The following HECW1 variants were observed in gnomAD, a reference collection of about 807,000 sequenced individuals.
HECW1 encodes the protein E3 ubiquitin-protein ligase HECW1.
In HECW1, 61 loss-of-function variants were observed where a neutral mutation model predicts 182.3. The ratio of observed to expected loss-of-function variants is 0.33; its 90% CI spans 0.27 to 0.41. HECW1 has a LOEUF of 0.41. Ranked by LOEUF, HECW1 falls within the 10% of genes least tolerant of loss-of-function variation. The pLI, the probability that HECW1 is intolerant of heterozygous loss-of-function variation, is 1.00. For synonymous variants in HECW1, 859 were observed against 832.6 expected, an observed-to-expected ratio of 1.03 and a Z score of -0.55; for missense variants, 1,739 against 2,108.9, an observed-to-expected ratio of 0.82 and a Z score of 3.44.
rs941637822 is a variant in HECW1 at position 43,468,988 on chromosome 7, T to C, written c.2982T>C (p.Ala994=). The C allele has an allele frequency of 6.2e-7, 1 of 1,614,208 alleles. No homozygotes were observed. The highest frequency in any genetic ancestry group is 1.3e-5 in the African/African-American group (1 of 75,056). ...TGATTCTGAAAGTCCGACGGGATGC[T>C]CGCAATTTTGAACGCTACCAGCACA... The part of the protein sequence containing the change: ...KHMILKVRRD[A]RNFERYQHNR... Residue 994 remains alanine, a synonymous_variant, in exon 16 of 30, where the codon GCT becomes GCC. Coordinates refer to ENST00000395891, the MANE Select transcript of HECW1 (RefSeq NM_015052.5).
intron 25 of HECW1, 123 bp from the exon 26 acceptor site, chr7:43,541,746 A>C: frequency 1.1e-6 from 1 of 876,610 alleles, no homozygotes; most frequent in Non-Finnish European, 1.6e-6. Context: ...AGTGGATTCA[A>C]AAGTATCCAA....
At chr7:43,152,797 G>T (rs900306302) in intron 2 of HECW1, among the ~76,000 whole-genome samples, 4 of 152,132 alleles carry the variant, frequency 2.6e-5, no homozygotes, top group Non-Finnish European at 5.9e-5. Context: ...ATATCTGTAG[G>T]CGTTTCCCCC....
intron 6 of HECW1, among the ~76,000 whole-genome samples, chr7:43,368,423 C>G (rs1008307954): frequency 6.6e-6 from 1 of 152,162 alleles, no homozygotes; most frequent in Non-Finnish European, 1.5e-5. Flanking sequence ...ATAAATGTGT[C>G]TCCTGCAAAA....
chr7:43,218,768 G>A (rs1354088996), intron 2 of HECW1, among the ~76,000 whole-genome samples: 1 of 152,196 alleles, frequency 6.6e-6, no homozygotes, highest in Non-Finnish European at 1.5e-5. Context: ...ATTGGAAGGT[G>A]TATAGAGAAA....
chr7:43,348,782 G>A (rs1029526330), intron 5 of HECW1, among the ~76,000 whole-genome samples: 1 of 152,136 alleles, frequency 6.6e-6, no homozygotes. Flanking sequence ...GCTCATTCAG[G>A]AGCAGTTTAT....
chr7:43,133,957 CAG>C (rs946476980), intron 2 of HECW1, among the ~76,000 whole-genome samples: 5 of 152,218 alleles, frequency 3.3e-5, no homozygotes, highest in African/African-American at 7.2e-5. Flanking sequence ...TTCTTCTCAA[CAG>C]AGAGCTGTAC....
chr7:43,368,195 G>A (rs944436125), intron 6 of HECW1, among the ~76,000 whole-genome samples: 6 of 152,176 alleles, frequency 3.9e-5, no homozygotes, highest in Admixed American at 3.9e-4. Flanking sequence ...CGGGGAGACA[G>A]ACAAGAAAAC....
chr7:43,308,268 T>TTA (rs376041632), intron 3 of HECW1, among the ~76,000 whole-genome samples: 1 of 102,424 alleles, frequency 9.8e-6, no homozygotes, highest in Non-Finnish European at 2.0e-5. Context: ...TATGATATAT[T>TTA]TATATATTAT....
intron 17 of HECW1, among the ~76,000 whole-genome samples, 179 bp from the exon 18 acceptor site, chr7:43,491,896 G>A (rs533324501): frequency 2.0e-4 from 31 of 152,294 alleles, no homozygotes; most frequent in African/African-American, 6.7e-4. Context: ...CTTAACCATA[G>A]TATAGCACAT....
intron 2 of HECW1, among the ~76,000 whole-genome samples, chr7:43,150,722 A>G (rs977714418): frequency 6.6e-6 from 1 of 152,224 alleles, no homozygotes; most frequent in African/African-American, 2.4e-5. Context: ...CAAAGAAACC[A>G]GTCAGTGCTT....
At chr7:43,409,952 G>A (rs1481575438) in intron 8 of HECW1, among the ~76,000 whole-genome samples, 2 of 152,160 alleles carry the variant, frequency 1.3e-5, no homozygotes, top group African/African-American at 2.4e-5. Context: ...GGAAAGTCTG[G>A]CTGGCTCTGA....
intron 3 of HECW1, among the ~76,000 whole-genome samples, chr7:43,252,502 C>A (rs577543517): frequency 6.6e-6 from 1 of 152,252 alleles, no homozygotes; most frequent in Admixed American, 6.5e-5. Flanking sequence ...GTAATTCATG[C>A]AGACATTTAA....
At chr7:43,471,018 A>G (rs1331197785) in intron 16 of HECW1, among the ~76,000 whole-genome samples, 1 of 152,236 alleles carries the variant, frequency 6.6e-6, no homozygotes, top group Non-Finnish European at 1.5e-5. Flanking sequence ...TAGCAACAGT[A>G]ATGCCTATGT....
chr7:43,247,741 A>AGGAG lies in HECW1; in HGVS notation c.27+3819_27+3822dup, dbSNP rs373279844. Among the ~76,000 whole-genome samples the AGGAG allele has an allele frequency of 4.6e-3, 544 of 117,778 alleles. 21 individuals carry two copies. The highest frequency in any genetic ancestry group is 0.018 in the African/African-American group (515 of 29,048). 77.3% of individuals were successfully genotyped at this position (117,778 alleles called of 152,430 possible). ...GAAGAAGGAAGGAAGAAAGGAAGGA[A>AGGAG]GGAGGGAGGGAGGAAGGGAAAGAGA... On this transcript the variant is annotated intron_variant, in intron 3 of 29. Transcript: ENST00000395891.
intron 5 of HECW1, among the ~76,000 whole-genome samples, chr7:43,334,426 G>A (rs1167033528): frequency 3.3e-5 from 5 of 152,178 alleles, no homozygotes; most frequent in Admixed American, 2.6e-4. Context: ...TGTATCACAC[G>A]TTCCCAAAAT....
rs574530598 is a variant in HECW1 at position 43,236,628 on chromosome 7, G to A, written c.-31-7247G>A. ...CTTTTGAGTCCTTGATCAGCCTTTC[G>A]CTGAATACTCAATGTAGTCTGGCTC... On this transcript the variant is annotated intron_variant, in intron 2 of 29. Coordinates refer to ENST00000395891, the MANE Select transcript of HECW1 (RefSeq NM_015052.5). Among the ~76,000 whole-genome samples the A allele has an allele frequency of 1.3e-3, 197 of 152,234 alleles. 1 individual carries two copies. The highest frequency in any genetic ancestry group is 4.3e-3 in the African/African-American group (179 of 41,542).
At chr7:43,317,291 G>A (rs796099412) in intron 4 of HECW1, among the ~76,000 whole-genome samples, 13 of 152,300 alleles carry the variant, frequency 8.5e-5, no homozygotes, top group African/African-American at 2.6e-4. Flanking sequence ...CACTGTCTTC[G>A]CCGGTGGAGA....
Position 43,360,925 on chromosome 7 carries a change from G to A in HECW1, c.500G>A (p.Ser167Asn), listed in dbSNP as rs773219733. ...TGCTTCAAATACTACCATGGAGTGA[G>A]TGGGGCCCTGCGAGCAACCACCCCC... ...KICFKYYHGV[S>N]GALRATTPSV... The change falls in exon 6 of 30, where the codon AGT becomes AAT. Residue 167 changes from serine (S) to asparagine (N), a missense_variant. By Grantham distance (46) the Ser-to-Asn change is conservative (BLOSUM62 1). Coordinates refer to ENST00000395891, the MANE Select transcript of HECW1 (RefSeq NM_015052.5). The A allele has an allele frequency of 4.3e-6, 7 of 1,613,868 alleles. No homozygotes were observed. The highest frequency in any genetic ancestry group is 1.3e-5 in the African/African-American group (1 of 74,896).
At chr7:43,489,030 G>A (rs1248671957) in intron 17 of HECW1, among the ~76,000 whole-genome samples, 1 of 152,196 alleles carries the variant, frequency 6.6e-6, no homozygotes, top group Non-Finnish European at 1.5e-5. Flanking sequence ...TTCCTGTGAA[G>A]GCCAGGAATA....
Sources: allele counts gnomAD v4.1 joint callset (sites outside exome capture counted in the v4.1 genomes callset), GRCh38; gene constraint gnomAD v4.1.1; transcripts MANE v1.5; gene names NCBI Gene and HGNC (gene_info 2026-07-23, HGNC 2026-07-21).